Variants in PLXNA4 observed in about 807,000 individuals in gnomAD.
PLXNA4 encodes the protein plexin A4.
PLXNA4 carries 44 observed loss-of-function variants against 191.8 expected under a neutral mutation model. The ratio of observed to expected loss-of-function variants is 0.23; its 90% confidence interval spans 0.18 to 0.29. The LOEUF is 0.29. PLXNA4 is among the 10% of genes least tolerant of loss of function. The pLI, the probability that PLXNA4 is intolerant of heterozygous loss-of-function variation, is 1.00. For missense variants in PLXNA4, 1,800 were observed against 2,488.8 expected (o/e 0.72, Z 5.89); for synonymous variants, 1,082 against 1,009.5 (o/e 1.07, Z -1.36).
chr7:132,337,164 C>T (rs1028550399), intron 3 of PLXNA4, among the ~76,000 whole-genome samples: 1 of 152,196 alleles, frequency 6.6e-6, no homozygotes, highest in Non-Finnish European at 1.5e-5. Context: ...TATTGCATTG[C>T]CAACATTCAA....
chr7:132,285,026 T>G (rs1358687331), intron 4 of PLXNA4, among the ~76,000 whole-genome samples: 1 of 152,174 alleles, frequency 6.6e-6, no homozygotes, highest in East Asian at 1.9e-4. Context: ...AGGTGGATTT[T>G]TTTTCAATAA....
intron 25 of PLXNA4, among the ~76,000 whole-genome samples, chr7:132,150,289 T>TTGTTTTTTATTTTATGGAGGTA (rs1795557748): frequency 6.6e-6 from 1 of 152,210 alleles, no homozygotes; most frequent in Non-Finnish European, 1.5e-5. Context: ...TTTTTTTGTT[T>TTGTTTTTTATTTTATGGAGGTA]TGTTTTTTAT....
intron 8 of PLXNA4, among the ~76,000 whole-genome samples, chr7:132,224,234 C>G (rs941693335): frequency 4.6e-5 from 7 of 152,182 alleles, no homozygotes; most frequent in Admixed American, 1.3e-4. Flanking sequence ...ACAGGCTATG[C>G]CCTTCACGGT....
rs372805271 is a variant in PLXNA4, at chr7:132,145,070, T to A, written c.5225+49A>T. 31 of 1,612,318 alleles carry A rather than the reference T, an allele frequency of 1.9e-5. No individual in the cohort carries two copies. In the African/African-American group the frequency reaches 4.1e-4, roughly 22 times the overall value. On this transcript the variant is annotated intron_variant, in intron 29 of 31. Transcript: ENST00000321063. ...AGTCCCACCACCATTAACTTGAGGC[T>A]GGGTGGGCTCAGGGCTCCCGATGTG... is the stretch of plus-strand genomic sequence containing the variant.
intron 2 of PLXNA4, among the ~76,000 whole-genome samples, chr7:132,644,934 A>C (rs574081217): frequency 6.6e-6 from 1 of 152,312 alleles, no homozygotes; most frequent in East Asian, 1.9e-4. Context: ...ACAGGTCAAG[A>C]GAGATGGGCA....
At chr7:132,556,633 C>A (rs1800814747) in intron 1 of PLXNA4, among the ~76,000 whole-genome samples, 1 of 152,244 alleles carries the variant, frequency 6.6e-6, no homozygotes, top group Non-Finnish European at 1.5e-5. Flanking sequence ...GGGTGCTCCC[C>A]TGCTTCTGGA....
chr7:132,222,913 C>T (rs1798194146), intron 9 of PLXNA4, among the ~76,000 whole-genome samples: 1 of 152,186 alleles, frequency 6.6e-6, no homozygotes, highest in African/African-American at 2.4e-5. Flanking sequence ...ACTGGGAGGG[C>T]CTGTTTAAGC....
intron 3 of PLXNA4, among the ~76,000 whole-genome samples, chr7:132,366,614 A>G (rs1329972983): frequency 6.6e-6 from 1 of 152,244 alleles, no homozygotes; most frequent in Non-Finnish European, 1.5e-5. Context: ...ATCAAAAGTA[A>G]CTATTTGGGA....
chr7:132,281,314 T>C (rs1800471314), intron 4 of PLXNA4, among the ~76,000 whole-genome samples: 1 of 152,098 alleles, frequency 6.6e-6, no homozygotes, highest in Admixed American at 6.6e-5. Flanking sequence ...TTTTTTTCAG[T>C]CTCATGCACC....
chr7:132,612,064 G>A (rs1563194395), intron 2 of PLXNA4, among the ~76,000 whole-genome samples: 1 of 105,582 alleles, frequency 9.5e-6, no homozygotes. Context: ...CATCTTCTAG[G>A]GATCAGGAAA....
At chr7:132,148,478 G>T (rs1795499513) in intron 26 of PLXNA4, 65 bp downstream of exon 26, 1 of 1,601,254 alleles carries the variant, frequency 6.2e-7, no homozygotes, top group African/African-American at 1.3e-5. Flanking sequence ...TTATTCCAGG[G>T]CAATGATTTC....
rs777422996 is a variant in PLXNA4 at position 132,508,893 on chromosome 7, T to C, written c.-86-114A>G. 2.1e-5 allele frequency: 23 copies of C among 1,075,176 alleles called. No individual in the cohort carries two copies. Among genetic ancestry groups the C allele is most frequent in the Middle Eastern group, 6.3e-4 (2 of 3,152 alleles). The allele number at this position is 1,075,176 out of a possible 1,614,324, so 66.6% of individuals were successfully genotyped here. On this transcript the variant is annotated intron_variant, in intron 1 of 31. Coordinates refer to ENST00000321063, the MANE Select transcript of PLXNA4 (RefSeq NM_020911.2). This position sits in a 1 kb window ranked among gnomAD's most constrained non-coding sequence, Gnocchi z 4.4. ...CTGCACACACTGAGCAGAACTGCAC[T>C]GGGGGGTGCTGGAGGCTGACTGAGT...
At chr7:132,468,931 G>T (rs1357507287) in intron 3 of PLXNA4, among the ~76,000 whole-genome samples, 1 of 151,954 alleles carries the variant, frequency 6.6e-6, no homozygotes, top group East Asian at 1.9e-4. Flanking sequence ...CTGAGAAAAT[G>T]CCCACTCTGA....
intron 4 of PLXNA4, among the ~76,000 whole-genome samples, chr7:132,246,614 C>T (rs536355160): frequency 1.3e-5 from 2 of 152,164 alleles, no homozygotes; most frequent in Non-Finnish European, 2.9e-5. Context: ...GTGCCCTTCC[C>T]CATTTACACT....
intron 5 of PLXNA4, among the ~76,000 whole-genome samples, chr7:132,232,769 A>G (rs1010397370): frequency 6.6e-6 from 1 of 152,162 alleles, no homozygotes; most frequent in African/African-American, 2.4e-5. Context: ...GGTGAGGGAG[A>G]GGGAGAGAGG....
chr7:132,163,934 T>G (rs1291603515), intron 24 of PLXNA4, among the ~76,000 whole-genome samples: 1 of 152,240 alleles, frequency 6.6e-6, no homozygotes, highest in Non-Finnish European at 1.5e-5. Context: ...TCTGAGCTAC[T>G]GGTCCCCAAA....
chr7:132,494,882 C>T (rs1797947356), intron 2 of PLXNA4, among the ~76,000 whole-genome samples: 1 of 152,220 alleles, frequency 6.6e-6, no homozygotes, highest in Non-Finnish European at 1.5e-5. Flanking sequence ...TGCAAAGCCA[C>T]TGCCACTGCC....
chr7:132,187,695 A>C, intron 14 of PLXNA4, 88 bp from the exon 15 acceptor site: 1 of 1,479,358 alleles, frequency 6.8e-7, no homozygotes, highest in Non-Finnish European at 8.9e-7. Context: ...CCACTCCCCC[A>C]AGCTGCCTTC....
intron 3 of PLXNA4, among the ~76,000 whole-genome samples, chr7:132,362,410 A>G (rs773672247): frequency 3.3e-5 from 5 of 152,224 alleles, no homozygotes; most frequent in South Asian, 2.1e-4. Flanking sequence ...CACGCTTTCT[A>G]TGCATCTTCA....
Sources: allele counts gnomAD v4.1 joint callset (sites outside exome capture counted in the v4.1 genomes callset), GRCh38; gene constraint gnomAD v4.1.1; non-coding constraint Gnocchi (gnomAD v3.1); transcripts MANE v1.5; gene names NCBI Gene and HGNC (gene_info 2026-07-23, HGNC 2026-07-21).